AGBL4: variants seen among roughly 807,000 people sequenced by gnomAD.
AGBL4 encodes AGBL carboxypeptidase 4.
Under a neutral mutation model 66.4 loss-of-function variants are expected in AGBL4, and 58 were observed. That is an observed-to-expected ratio of 0.87 (90% CI 0.71 to 1.09). AGBL4 has a LOEUF of 1.09. AGBL4 is among the 50% of genes least tolerant of loss of function. The pLI is 0.00. For synonymous variants in AGBL4, 234 were observed against 222.9 expected (o/e 1.05, Z -0.44); for missense variants, 579 against 631.0 (o/e 0.92, Z 0.88).
intron 6 of AGBL4, among the ~76,000 whole-genome samples, chr1:48,733,925 A>G (rs913903183): frequency 1.3e-5 from 2 of 152,240 alleles, no homozygotes; most frequent in African/African-American, 4.8e-5. Flanking sequence ...TGAAGGAGAC[A>G]CACAGCAGAT....
chr1:49,181,076 A>G (rs1302497338), intron 4 of AGBL4, among the ~76,000 whole-genome samples: 1 of 152,154 alleles, frequency 6.6e-6, no homozygotes, highest in South Asian at 2.1e-4. Context: ...TCCCACAGTC[A>G]TGGTGGAGGC....
At chr1:49,434,663 G>C (rs913681491) in intron 3 of AGBL4, among the ~76,000 whole-genome samples, 1 of 151,744 alleles carries the variant, frequency 6.6e-6, no homozygotes, top group Non-Finnish European at 1.5e-5. Context: ...TCTTGTGGTG[G>C]TGGTGGTGGT....
chr1:49,948,225 TATATATAAATATATAAATAAATAC>T (rs1655617431), intron 1 of AGBL4, among the ~76,000 whole-genome samples: 1 of 100,038 alleles, frequency 1.0e-5, no homozygotes, highest in African/African-American at 4.6e-5. Flanking sequence ...TATATATAAA[TATATATAAATATATAAATAAATAC>T]ATATAAATAT....
intron 5 of AGBL4, among the ~76,000 whole-genome samples, chr1:48,978,223 C>T (rs1192447900): frequency 1.3e-5 from 2 of 152,138 alleles, no homozygotes; most frequent in Non-Finnish European, 2.9e-5. Flanking sequence ...GGACTGTGTC[C>T]GTTATTCACC....
At chr1:48,558,895 G>T (rs2148294649) in intron 11 of AGBL4, among the ~76,000 whole-genome samples, 1 of 152,298 alleles carries the variant, frequency 6.6e-6, no homozygotes, top group East Asian at 1.9e-4. Flanking sequence ...AGATGTTGGA[G>T]TTTGTTTCAT....
At chr1:49,739,468 T>C (rs1571447285) in intron 2 of AGBL4, among the ~76,000 whole-genome samples, 1 of 152,280 alleles carries the variant, frequency 6.6e-6, no homozygotes, top group South Asian at 2.1e-4. Context: ...GGAAACAAGT[T>C]GGAAAACACT....
Position 49,402,519 on chromosome 1 carries a change from T to A in AGBL4, c.283-156655A>T, listed in dbSNP as rs1422514475. On this transcript the variant is annotated intron_variant, in intron 3 of 13. Transcript: ENST00000371839. Reference sequence around the variant, plus strand: ...TCTTGTTATTGATTTGTAGTTGTATTCCATTGTGGTCAGAGAAGATGCTTG... The same window carrying A: ...TCTTGTTATTGATTTGTAGTTGTATACCATTGTGGTCAGAGAAGATGCTTG... 2.0e-5 allele frequency among the ~76,000 whole-genome samples: 3 copies of A among 152,066 alleles called. No homozygotes were observed. The East Asian group carries it at 5.8e-4, about 29-fold the overall frequency.
chr1:49,739,710 G>A (rs1485877603), intron 2 of AGBL4, among the ~76,000 whole-genome samples: 2 of 152,220 alleles, frequency 1.3e-5, no homozygotes, highest in Non-Finnish European at 2.9e-5. Context: ...TCTCTCGGCA[G>A]AAACTCTACA....
chr1:48,590,982 T>A lies in AGBL4; in HGVS notation c.955A>T (p.Thr319Ser). The change falls in exon 10 of 14, where the codon ACA (threonine) becomes TCA (serine). Residue 319 changes from threonine (T) to serine (S), a missense_variant. Physicochemically the swap from Thr to Ser is moderately conservative, Grantham distance 58. Coordinates refer to ENST00000371839, the MANE Select transcript of AGBL4 (RefSeq NM_032785.4). ...LIVQMYNDPK[T>S]SLEFYIDIHA... ...ATGTCAATATAAAACTCCAGGCTTG[T>A]TTTCTGTTGAGAGAAAGGATAACAA... 6.2e-7 allele frequency: 1 copy of A among 1,607,110 alleles called. No individual in the cohort carries two copies. Among genetic ancestry groups the A allele is most frequent in the East Asian group, 2.2e-5 (1 of 44,752 alleles).
chr1:48,984,960 T>G (rs1005660040), intron 5 of AGBL4, among the ~76,000 whole-genome samples: 3 of 151,974 alleles, frequency 2.0e-5, no homozygotes, highest in African/African-American at 7.2e-5. Flanking sequence ...AAGAGGTAAC[T>G]GGAGTTTCCA....
chr1:49,802,636 C>T (rs1164906303), intron 2 of AGBL4, among the ~76,000 whole-genome samples: 3 of 152,082 alleles, frequency 2.0e-5, no homozygotes, highest in African/African-American at 4.8e-5. Context: ...AATCAAATGA[C>T]CCTAAATCCC....
intron 4 of AGBL4, among the ~76,000 whole-genome samples, chr1:49,162,884 T>A (rs187919796): frequency 1.1e-4 from 17 of 152,360 alleles, no homozygotes; most frequent in Admixed American, 5.2e-4. Context: ...TCAATAACTA[T>A]GAGTTTCTTT....
chr1:48,545,443 T>G (rs1052114269), intron 11 of AGBL4, among the ~76,000 whole-genome samples: 1 of 152,172 alleles, frequency 6.6e-6, no homozygotes. Context: ...AGAGGAGGGA[T>G]TGATTGAACA....
chr1:49,921,362 T>C (rs1652224530), intron 1 of AGBL4, among the ~76,000 whole-genome samples: 1 of 152,252 alleles, frequency 6.6e-6, no homozygotes, highest in Admixed American at 6.5e-5. Context: ...TGCAATTCAA[T>C]ATATCAAACG....
intron 3 of AGBL4, among the ~76,000 whole-genome samples, chr1:49,594,212 C>T (rs947949197): frequency 6.6e-5 from 10 of 151,970 alleles, no homozygotes; most frequent in Non-Finnish European, 8.8e-5. Context: ...TTCAATTGTA[C>T]GAAAAACTAA....
chr1:49,447,458 C>G (rs1030768836), intron 3 of AGBL4, among the ~76,000 whole-genome samples: 2 of 152,240 alleles, frequency 1.3e-5, no homozygotes, highest in Admixed American at 1.3e-4. Flanking sequence ...CTGGAATGTG[C>G]AAATATGCAA....
intron 6 of AGBL4, among the ~76,000 whole-genome samples, chr1:48,738,917 A>G (rs1419205697): frequency 6.6e-6 from 1 of 152,196 alleles, no homozygotes; most frequent in African/African-American, 2.4e-5. Flanking sequence ...TTCCCATTTT[A>G]CAGATGTAAA....
chr1:49,096,015 A>T (rs1645092693), intron 4 of AGBL4, among the ~76,000 whole-genome samples: 1 of 152,080 alleles, frequency 6.6e-6, no homozygotes, highest in Non-Finnish European at 1.5e-5. Flanking sequence ...AACCCCATCA[A>T]AAAGTGGGCA....
At position 49,035,939 on chromosome 1, in the gene AGBL4, G is replaced by A. The variant is rs113894451; in HGVS notation, c.594+9645C>T. 7.8e-4 allele frequency among the ~76,000 whole-genome samples: 119 copies of A among 152,000 alleles called. 3 individuals carry two copies. Among genetic ancestry groups the A allele is most frequent in the African/African-American group, 2.7e-3 (110 of 41,474 alleles). On this transcript the variant is annotated intron_variant, in intron 5 of 13. Transcript: ENST00000371839. ...CTGGGGTCTCATGGATATAAAGATG[G>A]CAACAATAGAAACTGGGGACTAGTA... is the stretch of plus-strand genomic sequence containing the variant.
Sources: allele counts gnomAD v4.1 joint callset (sites outside exome capture counted in the v4.1 genomes callset), GRCh38; gene constraint gnomAD v4.1.1; transcripts MANE v1.5; gene names NCBI Gene and HGNC (gene_info 2026-07-23, HGNC 2026-07-21).